The following NAALADL2 variants were observed in gnomAD, a reference collection of about 807,000 sequenced individuals.
The protein encoded by NAALADL2 is N-acetylated alpha-linked acidic dipeptidase like 2.
A neutral mutation model predicts 87.2 loss-of-function variants in NAALADL2; 76 were observed. That is an observed-to-expected ratio of 0.87 (90% CI 0.72 to 1.05). NAALADL2 has a LOEUF of 1.05. NAALADL2 is among the 50% of genes least tolerant of loss of function. The probability of loss-of-function intolerance (pLI) is 0.00; values close to 1 mark genes in which losing one functional copy is unlikely to be tolerated. For synonymous variants in NAALADL2, 354 were observed against 331.0 expected (o/e 1.07, Z -0.75); for missense variants, 1,089 against 945.8 (o/e 1.15, Z -1.99).
chr3:174,949,137 C>G (rs1739936652), intron 1 of NAALADL2, among the ~76,000 whole-genome samples: 1 of 152,156 alleles, frequency 6.6e-6, no homozygotes. Flanking sequence ...TAGTCATTCC[C>G]CAAAGATCCT....
At chr3:174,896,275 A>G (rs1731516007) in intron 1 of NAALADL2, among the ~76,000 whole-genome samples, 2 of 152,268 alleles carry the variant, frequency 1.3e-5, no homozygotes, top group East Asian at 1.9e-4. Context: ...CTTATATTTG[A>G]AAAAACCTAA....
chr3:174,450,020 TACAC>T (rs35861742), intron 1 of NAALADL2, among the ~76,000 whole-genome samples: 2,407 of 148,784 alleles, frequency 0.016, 31 homozygotes, highest in Non-Finnish European at 0.021. Context: ...AACACATACA[TACAC>T]ACACACACAC....
chr3:174,671,649 G>C (rs903464206), intron 2 of NAALADL2, among the ~76,000 whole-genome samples: 1 of 152,064 alleles, frequency 6.6e-6, no homozygotes, highest in Non-Finnish European at 1.5e-5. Flanking sequence ...TTGAATATGA[G>C]TAAACAGATT....
At chr3:175,684,497 T>G (rs1307275476) in intron 11 of NAALADL2, among the ~76,000 whole-genome samples, 1 of 152,084 alleles carries the variant, frequency 6.6e-6, no homozygotes, top group African/African-American at 2.4e-5. Flanking sequence ...ATAAAAATAT[T>G]TAAAAATTAT....
intron 5 of NAALADL2, among the ~76,000 whole-genome samples, chr3:175,423,051 A>ATATATATATATATATTT (rs1458599872): frequency 1.1e-5 from 1 of 91,510 alleles, no homozygotes; most frequent in African/African-American, 4.2e-5. Context: ...ATATATATAT[A>ATATATATATATATATTT]TTTTTTTTTT....
At chr3:175,735,337 T>C (rs1172015511) in intron 11 of NAALADL2, among the ~76,000 whole-genome samples, 1 of 152,206 alleles carries the variant, frequency 6.6e-6, no homozygotes, top group Non-Finnish European at 1.5e-5. Context: ...CATTTCCCTG[T>C]CTTTTTCTGA....
At chr3:174,909,744 C>A (rs62286176) in intron 1 of NAALADL2, among the ~76,000 whole-genome samples, 461 of 152,144 alleles carry the variant, frequency 3.0e-3, no homozygotes, top group Middle Eastern at 0.014. Flanking sequence ...TCTAAAAGGA[C>A]TATTCTGAGG....
At chr3:175,127,374 G>T (rs1727129663) in intron 2 of NAALADL2, among the ~76,000 whole-genome samples, 1 of 152,004 alleles carries the variant, frequency 6.6e-6, no homozygotes. Context: ...GATTCATGAA[G>T]TTTACATAGC....
chr3:174,481,927 T>C (rs1457974557), intron 1 of NAALADL2, among the ~76,000 whole-genome samples: 1 of 152,008 alleles, frequency 6.6e-6, no homozygotes, highest in East Asian at 1.9e-4. Flanking sequence ...AATTCCAGAC[T>C]CTTAGAAGGA....
At chr3:175,787,136 A>C (rs1471570268) in intron 13 of NAALADL2, among the ~76,000 whole-genome samples, 1 of 152,116 alleles carries the variant, frequency 6.6e-6, no homozygotes, top group Non-Finnish European at 1.5e-5. Flanking sequence ...AGGGACATTT[A>C]AGTCTGCAGA....
intron 3 of NAALADL2, among the ~76,000 whole-genome samples, chr3:174,775,075 G>T (rs1054598065): frequency 6.6e-6 from 1 of 151,914 alleles, no homozygotes; most frequent in Non-Finnish European, 1.5e-5. Flanking sequence ...TAGAAAAATA[G>T]GAAAGTATAC....
intron 1 of NAALADL2, among the ~76,000 whole-genome samples, chr3:174,997,044 G>GTATA (rs146460251): frequency 3.9e-5 from 4 of 101,542 alleles, no homozygotes; most frequent in African/African-American, 1.8e-4. Flanking sequence ...GTGTGTATGT[G>GTATA]TATATATATA....
intron 9 of NAALADL2, among the ~76,000 whole-genome samples, chr3:175,511,300 A>G (rs911902660): frequency 6.6e-6 from 1 of 152,206 alleles, no homozygotes; most frequent in Non-Finnish European, 1.5e-5. Context: ...GTACCTCAGA[A>G]TATGATTCTA....
chr3:175,427,720 C>T (rs1424965440), intron 5 of NAALADL2, among the ~76,000 whole-genome samples: 2 of 152,152 alleles, frequency 1.3e-5, no homozygotes, highest in Non-Finnish European at 2.9e-5. Flanking sequence ...ACTGACACTT[C>T]ATTGGCCTTT....
intron 12 of NAALADL2, among the ~76,000 whole-genome samples, chr3:175,740,553 G>A (rs1745086051): frequency 6.6e-6 from 1 of 152,202 alleles, no homozygotes; most frequent in Non-Finnish European, 1.5e-5. Flanking sequence ...AGACTTGGGA[G>A]TGTTCTAATA....
chr3:174,659,022 G>A (rs1212825139), intron 2 of NAALADL2, among the ~76,000 whole-genome samples: 2 of 152,060 alleles, frequency 1.3e-5, no homozygotes, highest in Non-Finnish European at 2.9e-5. Context: ...TAACTTTAGT[G>A]TATACAGTTA....
rs567628654 is a variant in NAALADL2 at position 175,678,847 on chromosome 3, CAT to C, written c.1896+51462_1896+51463del. On this transcript the variant is annotated intron_variant, in intron 11 of 13. Coordinates refer to ENST00000454872, the MANE Select transcript of NAALADL2 (RefSeq NM_207015.3). ...ATGTAACAAACCTGCATGTTGTGCA[CAT>C]GTTTCACTTGCATCCATGTGAAGAG... Among the ~76,000 whole-genome samples the C allele has an allele frequency of 2.4e-3, 373 of 152,260 alleles. 5 individuals are homozygous for C. The highest frequency in any genetic ancestry group is 8.8e-3 in the African/African-American group (365 of 41,556).
chr3:174,544,235 G>A (rs1188614498), intron 1 of NAALADL2, among the ~76,000 whole-genome samples: 2 of 152,014 alleles, frequency 1.3e-5, no homozygotes, highest in Non-Finnish European at 2.9e-5. Flanking sequence ...TGTTTTATTG[G>A]TTGAGAATTT....
chr3:175,380,420 C>A (rs1767656611), intron 5 of NAALADL2, among the ~76,000 whole-genome samples: 1 of 152,088 alleles, frequency 6.6e-6, no homozygotes, highest in Non-Finnish European at 1.5e-5. Flanking sequence ...TCAGTGTCAG[C>A]ATTCAATAAT....
Sources: gnomAD v4.1 joint callset for allele counts (sites outside exome capture counted in the v4.1 genomes callset) on GRCh38, gnomAD v4.1.1 for gene constraint, MANE v1.5 for transcripts, NCBI Gene and HGNC (gene_info 2026-07-23, HGNC 2026-07-21) for gene names.